Variants in KIAA0825 observed in about 807,000 individuals in gnomAD.
The protein encoded by KIAA0825 is KIAA0825.
Under a neutral mutation model 147.6 loss-of-function variants are expected in KIAA0825, and 119 were observed. The observed-to-expected ratio is 0.81, with a 90% CI of 0.69 to 0.94. KIAA0825 has a LOEUF of 0.94. Among genes scored for constraint, KIAA0825 ranks in the 40% least tolerant of loss-of-function variants. KIAA0825 has a pLI of 0.00. For synonymous variants in KIAA0825, 470 were observed against 518.1 expected (o/e 0.91, Z 1.26); for missense variants, 1,381 against 1,472.7 (o/e 0.94, Z 1.02).
chr5:94,502,375 C>T (rs1765198885), intron 5 of KIAA0825, among the ~76,000 whole-genome samples: 1 of 152,064 alleles, frequency 6.6e-6, no homozygotes, highest in Non-Finnish European at 1.5e-5. Flanking sequence ...AATATCATGG[C>T]AGTGCTGAAA....
chr5:94,269,663 C>T (rs778035216), intron 20 of KIAA0825, among the ~76,000 whole-genome samples: 1 of 151,742 alleles, frequency 6.6e-6, no homozygotes, highest in Non-Finnish European at 1.5e-5. Context: ...ACAGTGAAAA[C>T]AGTACTAAGA....
At chr5:94,612,673 T>C (rs1789202063) in intron 1 of KIAA0825, among the ~76,000 whole-genome samples, 1 of 152,192 alleles carries the variant, frequency 6.6e-6, no homozygotes, top group Non-Finnish European at 1.5e-5. Context: ...TTTTATTTAA[T>C]CTTCACAAAA....
chr5:94,343,744 T>G (rs182860390), intron 20 of KIAA0825, among the ~76,000 whole-genome samples: 2 of 152,140 alleles, frequency 1.3e-5, no homozygotes, highest in South Asian at 2.1e-4. Context: ...TAGAAGACAT[T>G]TGCAACAAAA....
intron 3 of KIAA0825, among the ~76,000 whole-genome samples, chr5:94,534,355 A>T (rs1479300911): frequency 6.6e-6 from 1 of 152,112 alleles, no homozygotes; most frequent in African/African-American, 2.4e-5. Flanking sequence ...ATTTTATTTT[A>T]AAAAATATAT....
intron 20 of KIAA0825, among the ~76,000 whole-genome samples, chr5:94,312,196 G>C (rs561293906): frequency 1.3e-5 from 2 of 151,444 alleles, no homozygotes; most frequent in Non-Finnish European, 3.0e-5. Context: ...GATATAGTTT[G>C]TTTATCCAGT....
At chr5:94,511,866 G>C (rs1156577500) in intron 5 of KIAA0825, among the ~76,000 whole-genome samples, 1 of 151,762 alleles carries the variant, frequency 6.6e-6, no homozygotes, top group African/African-American at 2.4e-5. Flanking sequence ...GCGGGTGCCT[G>C]TAATCCCAGC....
At position 94,384,388 on chromosome 5, in the gene KIAA0825, G is replaced by A. The variant is rs1405086768; in HGVS notation, c.3690C>T (p.Phe1230=). 2 of 1,551,858 alleles carry A rather than the reference G, an allele frequency of 1.3e-6. No individual in the cohort carries two copies. The highest frequency in any genetic ancestry group is 3.9e-5 in the Admixed American group (2 of 50,992). Residue 1230 remains phenylalanine (F), a synonymous_variant, in exon 20 of 21, where the codon TTC becomes TTT. Coordinates refer to ENST00000682413, the MANE Select transcript of KIAA0825 (RefSeq NM_001145678.3). ...ATTACCTGTTTTTGAGCAGCACACTGAAGGTCATCTTATCCAGTCTCAGAT... is the reference window on the plus strand; with the variant it reads ...ATTACCTGTTTTTGAGCAGCACACTAAAGGTCATCTTATCCAGTCTCAGAT... ...PNYLRLDKMT[F]SVLLKNRWEM... is the part of the protein sequence containing the mutation.
intron 15 of KIAA0825, among the ~76,000 whole-genome samples, chr5:94,409,321 A>G (rs1334549759): frequency 1.3e-5 from 2 of 152,222 alleles, no homozygotes; most frequent in East Asian, 1.9e-4. Flanking sequence ...TATATGCAAA[A>G]TAACTATTTT....
At chr5:94,359,884 G>T (rs191606950) in intron 20 of KIAA0825, among the ~76,000 whole-genome samples, 77 of 152,324 alleles carry the variant, frequency 5.1e-4, no homozygotes, top group African/African-American at 1.8e-3. Context: ...GAGCAAATGT[G>T]TGTCACTTAA....
intron 20 of KIAA0825, among the ~76,000 whole-genome samples, chr5:94,317,219 G>A (rs759019502): frequency 2.6e-5 from 4 of 151,742 alleles, no homozygotes; most frequent in Non-Finnish European, 4.4e-5. Context: ...GTCTTCCAAG[G>A]TCTGAGCCAT....
At chr5:94,322,302 G>A (rs1780264293) in intron 20 of KIAA0825, among the ~76,000 whole-genome samples, 1 of 151,554 alleles carries the variant, frequency 6.6e-6, no homozygotes, top group Non-Finnish European at 1.5e-5. Flanking sequence ...GTCTTTTTAG[G>A]TAAATAACCT....
chr5:94,475,136 A>G (rs2151006294), intron 7 of KIAA0825, among the ~76,000 whole-genome samples: 1 of 152,254 alleles, frequency 6.6e-6, no homozygotes, highest in African/African-American at 2.4e-5. Flanking sequence ...CAACTGATAT[A>G]ATCTTCTTTC....
At chr5:94,342,547 A>T (rs1260382486) in intron 20 of KIAA0825, among the ~76,000 whole-genome samples, 2 of 152,200 alleles carry the variant, frequency 1.3e-5, no homozygotes, top group Non-Finnish European at 2.9e-5. Flanking sequence ...ATAAGTAAGA[A>T]CTGAGGGTAG....
At chr5:94,479,729 G>A (rs1762283854) in intron 6 of KIAA0825, among the ~76,000 whole-genome samples, 1 of 152,122 alleles carries the variant, frequency 6.6e-6, no homozygotes, top group Non-Finnish European at 1.5e-5. Context: ...ATGAATGAGA[G>A]TTGTTCCACA....
chr5:94,435,888 T>C (rs886636771), intron 14 of KIAA0825, among the ~76,000 whole-genome samples: 1 of 152,222 alleles, frequency 6.6e-6, no homozygotes, highest in African/African-American at 2.4e-5. Flanking sequence ...TTCAGCATTT[T>C]TTTTTCATAT....
At chr5:94,331,356 G>T (rs543674598) in intron 20 of KIAA0825, among the ~76,000 whole-genome samples, 1 of 152,180 alleles carries the variant, frequency 6.6e-6, no homozygotes, top group African/African-American at 2.4e-5. Context: ...CCAATTCCTC[G>T]AAACAACTCA....
chr5:94,566,539 T>G (rs1778747840), intron 2 of KIAA0825, among the ~76,000 whole-genome samples: 1 of 152,114 alleles, frequency 6.6e-6, no homozygotes, highest in Non-Finnish European at 1.5e-5. Flanking sequence ...GCTTGAAAAA[T>G]AAATAATGAT....
chr5:94,577,098 T>C (rs1380538674), intron 2 of KIAA0825, among the ~76,000 whole-genome samples: 1 of 152,224 alleles, frequency 6.6e-6, no homozygotes, highest in African/African-American at 2.4e-5. Context: ...TTTTTTTCCT[T>C]TTTAATACTG....
At chr5:94,405,230 A>G (rs936185935) in intron 15 of KIAA0825, among the ~76,000 whole-genome samples, 2 of 152,162 alleles carry the variant, frequency 1.3e-5, no homozygotes, top group South Asian at 4.1e-4. Context: ...GTAATAACAG[A>G]TGTGGCGAGA....
Sources: gnomAD v4.1 joint callset for allele counts (sites outside exome capture counted in the v4.1 genomes callset) on GRCh38, gnomAD v4.1.1 for gene constraint, MANE v1.5 for transcripts, NCBI Gene and HGNC (gene_info 2026-07-23, HGNC 2026-07-21) for gene names.